The following NXN variants were observed in gnomAD, a reference collection of about 807,000 sequenced individuals.
NXN encodes nucleoredoxin.
In NXN, 16 loss-of-function variants were observed where a neutral mutation model predicts 48.6. That is an observed-to-expected ratio of 0.33 (90% CI 0.22 to 0.50). The LOEUF (loss-of-function observed/expected upper bound fraction) is 0.50, where lower values mean the gene tolerates loss of function less well. Among genes scored for constraint, NXN ranks in the 20% least tolerant of loss-of-function variants. The pLI, the probability that NXN is intolerant of heterozygous loss-of-function variation, is 0.98. For missense variants in NXN, 492 were observed against 605.5 expected (o/e 0.81, Z 1.97); for synonymous variants, 281 against 269.6 (o/e 1.04, Z -0.41).
rs1241585541 is a variant in NXN at position 929,638 on chromosome 17, G to T, written c.360+49681C>A. The T allele has an allele frequency of 2.0e-5, 3 of 152,198 alleles. No individual in the cohort carries two copies. In the East Asian group the frequency reaches 5.8e-4, roughly 29 times the overall value. 9.4% of individuals were successfully genotyped at this position (152,198 alleles called of 1,614,324 possible). On this transcript the variant is annotated intron_variant, in intron 1 of 7. Transcript: ENST00000336868. ...AACTCAGGACTTGGGTTCAACCTTA[G>T]CTTAGCATTTCCCACCATACCTACC...
At chr17:831,445 C>CTTTATTTATTTA (rs1260938372) in intron 1 of NXN, among the ~76,000 whole-genome samples, 1 of 149,008 alleles carries the variant, frequency 6.7e-6, no homozygotes, top group African/African-American at 2.5e-5. Flanking sequence ...TGAGGGCCGA[C>CTTTATTTATTTA]TTTATTTATT....
chr17:838,406 A>G (rs1017808391), intron 1 of NXN, among the ~76,000 whole-genome samples: 3 of 152,090 alleles, frequency 2.0e-5, no homozygotes, highest in African/African-American at 7.2e-5. Flanking sequence ...AGCTGGGATT[A>G]CAGGCGTGAG....
chr17:880,302 T>C (rs1038247413), intron 1 of NXN, among the ~76,000 whole-genome samples: 61 of 152,278 alleles, frequency 4.0e-4, no homozygotes, highest in African/African-American at 1.4e-3. Context: ...TTTCCTTGTA[T>C]ATAAAATACA....
intron 1 of NXN, among the ~76,000 whole-genome samples, chr17:826,316 C>T (rs1029956656): frequency 6.6e-6 from 1 of 151,908 alleles, no homozygotes; most frequent in African/African-American, 2.4e-5. Context: ...GGTCCCACTG[C>T]CCCCCGGGGT....
chr17:804,401 G>GCC (rs1033992218), intron 6 of NXN, among the ~76,000 whole-genome samples: 1 of 150,202 alleles, frequency 6.7e-6, no homozygotes, highest in African/African-American at 2.5e-5. Flanking sequence ...TCGTGCCTCA[G>GCC]CCTCCCGAGT....
At position 825,745 on chromosome 17, in the gene NXN, A is replaced by G. The variant is rs1913066196; in HGVS notation, c.478+216T>C. 6.0e-6 allele frequency: 3 copies of G among 498,492 alleles called. No individual in the cohort carries two copies. In the South Asian group the frequency reaches 8.0e-5, roughly 13 times the overall value. 30.9% of individuals were successfully genotyped at this position (498,492 alleles called of 1,614,324 possible). Reference sequence around the variant, plus strand: ...CCATCTCTTTTGGCCCATGAATTAAAGCCCCTAGGAGGGACATTCTGATCC... The same window carrying G: ...CCATCTCTTTTGGCCCATGAATTAAGGCCCCTAGGAGGGACATTCTGATCC... On this transcript the variant is annotated intron_variant, in intron 2 of 7. Coordinates refer to ENST00000336868, the MANE Select transcript of NXN (RefSeq NM_022463.5). This position sits in a 1 kb window ranked among gnomAD's most constrained non-coding sequence, Gnocchi z 4.1.
chr17:916,946 TA>T (rs1477215787), intron 1 of NXN, among the ~76,000 whole-genome samples: 2 of 152,188 alleles, frequency 1.3e-5, no homozygotes, highest in East Asian at 3.9e-4. Flanking sequence ...GTTACCACCC[TA>T]ACCTCTTCGT....
intron 1 of NXN, among the ~76,000 whole-genome samples, chr17:847,625 A>C (rs2067878875): frequency 6.6e-6 from 1 of 152,074 alleles, no homozygotes; most frequent in Admixed American, 6.6e-5. Context: ...GACACTAAGA[A>C]ACTGTGACCA....
chr17:915,161 T>C (rs576627544), intron 1 of NXN, among the ~76,000 whole-genome samples: 10 of 152,234 alleles, frequency 6.6e-5, no homozygotes, highest in South Asian at 2.1e-4. Context: ...GCCTCGAACT[T>C]CTGACCTCGT....
intron 5 of NXN, among the ~76,000 whole-genome samples, chr17:807,185 C>A (rs1911603098): frequency 6.6e-6 from 1 of 152,220 alleles, no homozygotes; most frequent in Non-Finnish European, 1.5e-5. Flanking sequence ...CCAGGGACCA[C>A]CACAGGGACA....
chr17:855,656 G>A (rs987435024), intron 1 of NXN, among the ~76,000 whole-genome samples: 2 of 152,174 alleles, frequency 1.3e-5, no homozygotes, highest in African/African-American at 4.8e-5. Context: ...ACCAGTTCTG[G>A]CAGCCAGATA....
chr17:957,161 G>A (rs2069179996), intron 1 of NXN, among the ~76,000 whole-genome samples: 1 of 152,088 alleles, frequency 6.6e-6, no homozygotes, highest in Non-Finnish European at 1.5e-5. Flanking sequence ...AAGGTGATTT[G>A]TGTAATATGA....
rs762686680 is a variant in NXN at position 897,832 on chromosome 17, C to T, written c.361-71754G>A. Among the ~76,000 whole-genome samples the T allele has an allele frequency of 7.9e-5, 12 of 152,272 alleles. No homozygotes were observed. The South Asian group carries it at 1.9e-3, about 24-fold the overall frequency. On this transcript the variant is annotated intron_variant, in intron 1 of 7. Transcript: ENST00000336868. ...CTGGGACTACAGGTGCCCGCCACCA[C>T]GCATGGCTACTTTTTCTATTTTTTT... is the stretch of plus-strand genomic sequence containing the variant.
intron 1 of NXN, among the ~76,000 whole-genome samples, chr17:962,735 G>A (rs1163188784): frequency 6.6e-6 from 1 of 152,110 alleles, no homozygotes; most frequent in Non-Finnish European, 1.5e-5. Context: ...AGAAGTGCCC[G>A]GCACGGAGAA....
At chr17:822,321 C>T (rs1236425802) in intron 4 of NXN, 36 bp downstream of exon 4, 1 of 1,449,034 alleles carries the variant, frequency 6.9e-7, no homozygotes, top group Admixed American at 1.8e-5. Flanking sequence ...CAGCTACCTA[C>T]AGAAAAGGGG....
intron 1 of NXN, among the ~76,000 whole-genome samples, chr17:948,648 A>G (rs7218948): frequency 0.61 from 92,172 of 151,840 alleles, 28,587 homozygotes; most frequent in Middle Eastern, 0.75. Flanking sequence ...TCGGTGCTTC[A>G]CGGAACAAAC....
intron 1 of NXN, among the ~76,000 whole-genome samples, chr17:882,028 C>T (rs1159650966): frequency 6.6e-6 from 1 of 151,772 alleles, no homozygotes; most frequent in Non-Finnish European, 1.5e-5. Flanking sequence ...TTGTTCATAT[C>T]GGTATAACAG....
chr17:924,537 G>A (rs907992948), intron 1 of NXN, among the ~76,000 whole-genome samples: 4 of 152,278 alleles, frequency 2.6e-5, no homozygotes, highest in Non-Finnish European at 5.9e-5. Context: ...GCGCCCGGCC[G>A]ATTTTTAATT....
At chr17:886,462 G>A (rs1227015369) in intron 1 of NXN, among the ~76,000 whole-genome samples, 3 of 152,162 alleles carry the variant, frequency 2.0e-5, no homozygotes, top group African/African-American at 4.8e-5. Context: ...GGCAGCGCAC[G>A]GAGAGGCTTC....
Sources: gnomAD v4.1 joint callset for allele counts (sites outside exome capture counted in the v4.1 genomes callset) on GRCh38, gnomAD v4.1.1 for gene constraint, Gnocchi (gnomAD v3.1) non-coding constraint, MANE v1.5 for transcripts, NCBI Gene and HGNC (gene_info 2026-07-23, HGNC 2026-07-21) for gene names.